SUGCT: variants seen among roughly 807,000 people sequenced by gnomAD.
SUGCT encodes succinyl-CoA:glutarate-CoA transferase.
In SUGCT, 41 loss-of-function variants were observed where a neutral mutation model predicts 55.0. The ratio of observed to expected loss-of-function variants is 0.74; its 90% CI spans 0.58 to 0.97. The LOEUF is 0.97. Among genes scored for constraint, SUGCT ranks in the 50% least tolerant of loss-of-function variants. The pLI is 0.00. For missense variants in SUGCT, 568 were observed against 547.8 expected (o/e 1.04, Z -0.37); for synonymous variants, 187 against 200.4 (o/e 0.93, Z 0.56).
rs116375053 is a variant in SUGCT, at chr7:40,733,229, A to T, written c.1090-16205A>T. ...CCCCTCTGCCCCACACTCCAGCTAG[A>T]GTAAGCCAGAATTATATATACATGA... On this transcript the variant is annotated intron_variant, in intron 12 of 13. Transcript: ENST00000335693. Among the ~76,000 whole-genome samples the T allele has an allele frequency of 9.3e-3, 1,408 of 152,054 alleles. 15 individuals carry two copies. The highest frequency in any genetic ancestry group is 0.032 in the African/African-American group (1,323 of 41,336).
At chr7:40,789,123 A>C (rs1790182966) in intron 13 of SUGCT, among the ~76,000 whole-genome samples, 1 of 152,144 alleles carries the variant, frequency 6.6e-6, no homozygotes, top group Admixed American at 6.5e-5. Context: ...TTGTAAGAAA[A>C]CTTACCGTGA....
At chr7:40,501,661 CATCATTGA>C (rs1334241561) in intron 12 of SUGCT, among the ~76,000 whole-genome samples, 1 of 151,988 alleles carries the variant, frequency 6.6e-6, no homozygotes, top group East Asian at 1.9e-4. Flanking sequence ...TTCAGTAAAT[CATCATTGA>C]CATCCACTAT....
At chr7:40,668,954 A>C (rs1801790492) in intron 12 of SUGCT, among the ~76,000 whole-genome samples, 1 of 152,186 alleles carries the variant, frequency 6.6e-6, no homozygotes. Flanking sequence ...GTGTTCAGAG[A>C]AGGCCAAATA....
chr7:40,911,419 T>G, the SUGCT span, among the ~76,000 whole-genome samples: 1 of 151,958 alleles, frequency 6.6e-6, no homozygotes, highest in Non-Finnish European at 1.5e-5. Context: ...AAAAAAATTT[T>G]TAGTTGGGTG....
At chr7:40,440,340 A>G (rs912371761) in intron 9 of SUGCT, among the ~76,000 whole-genome samples, 26 of 151,334 alleles carry the variant, frequency 1.7e-4, no homozygotes, top group African/African-American at 5.6e-4. Flanking sequence ...TTGTATTTTT[A>G]GTAGAGACGG....
chr7:40,633,457 T>G (rs1799884278), intron 12 of SUGCT, among the ~76,000 whole-genome samples: 1 of 152,196 alleles, frequency 6.6e-6, no homozygotes. Flanking sequence ...TATTAAAGTT[T>G]GTTCACAATG....
intron 13 of SUGCT, among the ~76,000 whole-genome samples, chr7:40,835,855 A>G (rs2128782956): frequency 6.6e-6 from 1 of 151,348 alleles, no homozygotes; most frequent in African/African-American, 2.4e-5. Context: ...TTCCATTTGG[A>G]GGAAATCATT....
At chr7:40,721,191 T>G (rs947059156) in intron 12 of SUGCT, among the ~76,000 whole-genome samples, 2 of 152,216 alleles carry the variant, frequency 1.3e-5, no homozygotes, top group African/African-American at 4.8e-5. Context: ...TGTTGCTGTG[T>G]AAATGAGAAC....
intron 12 of SUGCT, among the ~76,000 whole-genome samples, chr7:40,722,475 A>G (rs946690639): frequency 6.6e-6 from 1 of 152,184 alleles, no homozygotes. Context: ...GGCTCATTCA[A>G]TGAGAAAACA....
chr7:40,264,433 T>C (rs1791425040), intron 7 of SUGCT, among the ~76,000 whole-genome samples: 1 of 152,208 alleles, frequency 6.6e-6, no homozygotes, highest in Non-Finnish European at 1.5e-5. Flanking sequence ...TATCAATTAG[T>C]GGTTCAAGTA....
At chr7:40,413,598 A>T (rs918791521) in intron 9 of SUGCT, among the ~76,000 whole-genome samples, 7 of 152,218 alleles carry the variant, frequency 4.6e-5, no homozygotes, top group African/African-American at 9.6e-5. Context: ...ATTTCTCACA[A>T]CATCTGTATG....
chr7:40,958,682 C>A, the SUGCT span, among the ~76,000 whole-genome samples: 1 of 152,056 alleles, frequency 6.6e-6, no homozygotes, highest in Non-Finnish European at 1.5e-5. Flanking sequence ...CAAACTCATT[C>A]TCTGTCCAGT....
At chr7:40,558,114 A>G (rs1795652219) in intron 12 of SUGCT, among the ~76,000 whole-genome samples, 2 of 151,528 alleles carry the variant, frequency 1.3e-5, no homozygotes. Flanking sequence ...AAAAAAAACC[A>G]GAAAATAAAA....
intron 13 of SUGCT, among the ~76,000 whole-genome samples, chr7:40,845,140 A>C (rs930983704): frequency 1.3e-5 from 2 of 152,146 alleles, no homozygotes; most frequent in Non-Finnish European, 2.9e-5. Context: ...GAGGATACAC[A>C]ATGAACAAAA....
the SUGCT span, among the ~76,000 whole-genome samples, chr7:40,886,305 G>A: frequency 2.6e-5 from 4 of 152,120 alleles, no homozygotes; most frequent in African/African-American, 4.8e-5. Context: ...GCACAGCATG[G>A]TGCCTGATGT....
At chr7:40,998,150 T>C in the SUGCT span, among the ~76,000 whole-genome samples, 1 of 152,130 alleles carries the variant, frequency 6.6e-6, no homozygotes, top group Non-Finnish European at 1.5e-5. Context: ...GCAGAACACC[T>C]GAGGCCAGGA....
At chr7:40,295,823 G>T (rs1290953941) in intron 8 of SUGCT, among the ~76,000 whole-genome samples, 1 of 152,132 alleles carries the variant, frequency 6.6e-6, no homozygotes, top group Non-Finnish European at 1.5e-5. Flanking sequence ...CGCCTGCCCA[G>T]TTCTTCTCCT....
intron 11 of SUGCT, among the ~76,000 whole-genome samples, chr7:40,477,247 C>T (rs193183539): frequency 6.6e-6 from 1 of 152,012 alleles, no homozygotes; most frequent in African/African-American, 2.4e-5. Context: ...ATAGAGATAT[C>T]ATCTTTAGGA....
At chr7:40,575,567 G>T (rs185418846) in intron 12 of SUGCT, among the ~76,000 whole-genome samples, 1 of 151,656 alleles carries the variant, frequency 6.6e-6, no homozygotes, top group Admixed American at 6.6e-5. Context: ...AAGTCCTATT[G>T]GTTCATTAAG....
Sources: gnomAD v4.1 joint callset for allele counts (sites outside exome capture counted in the v4.1 genomes callset) on GRCh38, gnomAD v4.1.1 for gene constraint, MANE v1.5 for transcripts, NCBI Gene and HGNC (gene_info 2026-07-23, HGNC 2026-07-21) for gene names.